The following FAM117A variants were observed in gnomAD, a reference collection of about 807,000 sequenced individuals.
FAM117A encodes protein FAM117A.
FAM117A carries 21 observed loss-of-function variants against 44.1 expected under a neutral mutation model. That is an observed-to-expected ratio of 0.48 (90% CI 0.34 to 0.69). FAM117A has a LOEUF of 0.69. FAM117A is among the 30% of genes least tolerant of loss of function. FAM117A has a pLI of 0.01. For synonymous variants in FAM117A, 220 were observed against 238.3 expected (o/e 0.92, Z 0.71); for missense variants, 498 against 589.9 (o/e 0.84, Z 1.61).
At chr17:49,714,392 T>C (rs975384414) in intron 7 of FAM117A, among the ~76,000 whole-genome samples, 30 of 151,304 alleles carry the variant, frequency 2.0e-4, no homozygotes, top group Admixed American at 1.5e-3. Context: ...TACTGAAGTG[T>C]AGTGGTGCGA....
chr17:49,752,866 C>CTT lies in FAM117A; in HGVS notation c.196+11024_196+11025dup, dbSNP rs755862898. The stretch of plus-strand genomic sequence containing the variant: ...CTTCTTTGCAGCCCAGTTTCCAATT[C>CTT]TTTTTTTTTTTTTTTGAGACAGAGT... On this transcript the variant is annotated intron_variant, in intron 1 of 7. Transcript: ENST00000240364. Among the ~76,000 whole-genome samples the CTT allele has an allele frequency of 6.3e-5, 9 of 142,072 alleles. No homozygotes were observed. In the East Asian group the frequency reaches 1.0e-3, roughly 16 times the overall value. 93.2% of individuals were successfully genotyped at this position (142,072 alleles called of 152,430 possible). A position where few individuals can be genotyped will look rare whatever the true frequency, so the allele number is the denominator to read the frequency against.
At chr17:49,735,665 G>C (rs1281058609) in intron 1 of FAM117A, among the ~76,000 whole-genome samples, 1 of 152,056 alleles carries the variant, frequency 6.6e-6, no homozygotes, top group African/African-American at 2.4e-5. Flanking sequence ...GGGTCTCACT[G>C]TGTTGCCCAG....
chr17:49,740,949 G>A (rs1217230657), intron 1 of FAM117A, among the ~76,000 whole-genome samples: 1 of 152,184 alleles, frequency 6.6e-6, no homozygotes, highest in Non-Finnish European at 1.5e-5. Flanking sequence ...GTGGGGTAGA[G>A]GCTTAGCACT....
chr17:49,788,242 A>G (rs73987384), intron 1 of FAM117A, among the ~76,000 whole-genome samples: 82 of 152,338 alleles, frequency 5.4e-4, no homozygotes, highest in African/African-American at 1.8e-3. Flanking sequence ...CTTAAAATAC[A>G]AAGTTTCTTT....
intron 1 of FAM117A, among the ~76,000 whole-genome samples, chr17:49,747,506 G>A (rs969576772): frequency 6.6e-6 from 1 of 152,158 alleles, no homozygotes; most frequent in African/African-American, 2.4e-5. Flanking sequence ...GGCTAGAAAG[G>A]TCACAGTAAT....
intron 1 of FAM117A, among the ~76,000 whole-genome samples, chr17:49,758,649 A>G (rs981416414): frequency 6.9e-6 from 1 of 144,110 alleles, no homozygotes; most frequent in Non-Finnish European, 1.5e-5. Flanking sequence ...AAATAAATAA[A>G]TAAATAAATA....
chr17:49,715,923 A>G (rs1231702744), intron 7 of FAM117A, among the ~76,000 whole-genome samples: 1 of 152,230 alleles, frequency 6.6e-6, no homozygotes, highest in Non-Finnish European at 1.5e-5. Context: ...TTTTCTTTCC[A>G]GCTCCTGCTG....
intron 1 of FAM117A, among the ~76,000 whole-genome samples, chr17:49,775,877 C>T (rs2073774233): frequency 6.6e-6 from 1 of 152,114 alleles, no homozygotes; most frequent in African/African-American, 2.4e-5. Context: ...GGGTATTTGC[C>T]CAGAATGTTG....
At position 49,720,871 on chromosome 17, in the gene FAM117A, C is replaced by T. The variant is rs541007606; in HGVS notation, c.463-435G>A. On this transcript the variant is annotated intron_variant, in intron 3 of 7. Transcript: ENST00000240364. ...CTGGGATTACAGGCACCCACCATCACCCCCAGCTAATTTTTGTATTTTTAA... is the reference window on the plus strand; with the variant it reads ...CTGGGATTACAGGCACCCACCATCATCCCCAGCTAATTTTTGTATTTTTAA... Among the ~76,000 whole-genome samples the T allele has an allele frequency of 5.9e-5, 9 of 152,180 alleles. No individual in the cohort carries two copies. The South Asian group carries it at 1.9e-3, about 32-fold the overall frequency.
intron 2 of FAM117A, among the ~76,000 whole-genome samples, chr17:49,730,576 A>G (rs767294093): frequency 6.6e-6 from 1 of 152,150 alleles, no homozygotes; most frequent in Non-Finnish European, 1.5e-5. Flanking sequence ...GGGATGCAAT[A>G]ATGAGCTTAC....
intron 1 of FAM117A, among the ~76,000 whole-genome samples, chr17:49,751,656 C>T (rs993245971): frequency 6.6e-6 from 1 of 151,858 alleles, no homozygotes; most frequent in African/African-American, 2.4e-5. Flanking sequence ...ATATTAAAGA[C>T]TTCTGGGCCA....
At chr17:49,725,162 C>A (rs1052486173) in intron 2 of FAM117A, among the ~76,000 whole-genome samples, 11 of 152,376 alleles carry the variant, frequency 7.2e-5, no homozygotes, top group African/African-American at 2.4e-4. Context: ...GTCTCCCGAT[C>A]TAAGACGGCC....
chr17:49,723,632 C>T (rs1413857762), intron 2 of FAM117A, among the ~76,000 whole-genome samples: 3 of 152,144 alleles, frequency 2.0e-5, no homozygotes, highest in Admixed American at 6.5e-5. Context: ...TGACCTCCCC[C>T]GAGAGGTTGT....
chr17:49,758,665 A>T (rs1441394975), intron 1 of FAM117A, among the ~76,000 whole-genome samples: 2 of 149,956 alleles, frequency 1.3e-5, no homozygotes, highest in African/African-American at 4.9e-5. Context: ...AAATAAATAA[A>T]TAAATAAATA....
intron 2 of FAM117A, among the ~76,000 whole-genome samples, chr17:49,723,335 G>A (rs1188124753): frequency 6.6e-6 from 1 of 152,152 alleles, no homozygotes; most frequent in Non-Finnish European, 1.5e-5. Flanking sequence ...CCCTCAGTGT[G>A]CATCTTCTCT....
intron 3 of FAM117A, among the ~76,000 whole-genome samples, chr17:49,721,944 C>G (rs2073536614): frequency 6.6e-6 from 1 of 150,608 alleles, no homozygotes; most frequent in Admixed American, 6.6e-5. Context: ...AAAAAAAATT[C>G]AAAAATTAGG....
intron 1 of FAM117A, among the ~76,000 whole-genome samples, chr17:49,754,202 A>C (rs1018458580): frequency 2.0e-5 from 3 of 152,026 alleles, no homozygotes; most frequent in Admixed American, 2.0e-4. Context: ...CTGTGTGGCA[A>C]GTTTTCCACC....
At chr17:49,721,593 T>C (rs1237733146) in intron 3 of FAM117A, among the ~76,000 whole-genome samples, 2 of 152,224 alleles carry the variant, frequency 1.3e-5, no homozygotes, top group African/African-American at 4.8e-5. Context: ...CTTCCTCTTG[T>C]AAAGGCGTGC....
chr17:49,767,821 T>C (rs2073749664), upstream of FAM117A, among the ~76,000 whole-genome samples: 1 of 152,116 alleles, frequency 6.6e-6, no homozygotes. Flanking sequence ...GAGAATTGCT[T>C]GAACCCAGGA....
Sources: gnomAD v4.1 joint callset for allele counts (sites outside exome capture counted in the v4.1 genomes callset) on GRCh38, gnomAD v4.1.1 for gene constraint, MANE v1.5 for transcripts, NCBI Gene and HGNC (gene_info 2026-07-23, HGNC 2026-07-21) for gene names.